Variants in NEK11 observed in about 807,000 individuals in gnomAD.
The protein encoded by NEK11 is serine/threonine-protein kinase Nek11.
Under a neutral mutation model 80.7 loss-of-function variants are expected in NEK11, and 72 were observed. That is an observed-to-expected ratio of 0.89 (90% CI 0.74 to 1.08). The LOEUF is 1.08. Ranked by LOEUF, NEK11 falls within the 50% of genes least tolerant of loss-of-function variation. The probability of loss-of-function intolerance (pLI) is 0.00; values close to 1 mark genes in which losing one functional copy is unlikely to be tolerated. For synonymous variants in NEK11, 251 were observed against 260.7 expected, an observed-to-expected ratio of 0.96 and a Z score of 0.36; for missense variants, 764 against 763.6, an observed-to-expected ratio of 1.00 and a Z score of -0.01.
intron 17 of NEK11, among the ~76,000 whole-genome samples, chr3:131,324,457 A>T (rs188101617): frequency 1.3e-5 from 2 of 152,344 alleles, no homozygotes; most frequent in East Asian, 3.9e-4. Context: ...TGTGATTTTT[A>T]AAAAATTGTC....
chr3:131,142,582 G>A (rs1210944919), intron 7 of NEK11, among the ~76,000 whole-genome samples: 1 of 152,196 alleles, frequency 6.6e-6, no homozygotes, highest in Non-Finnish European at 1.5e-5. Context: ...ATAACAGTTG[G>A]TTATGTAAGG....
intron 17 of NEK11, among the ~76,000 whole-genome samples, chr3:131,281,200 A>G (rs2096390551): frequency 6.6e-6 from 1 of 152,222 alleles, no homozygotes; most frequent in Non-Finnish European, 1.5e-5. Context: ...CCATGGGTCC[A>G]AAGTCAGATC....
At chr3:131,249,704 G>T (rs562934530) in intron 16 of NEK11, among the ~76,000 whole-genome samples, 1 of 152,238 alleles carries the variant, frequency 6.6e-6, no homozygotes, top group East Asian at 1.9e-4. Context: ...CTCTTTAGAA[G>T]ATATCTCTCT....
At chr3:131,131,056 C>T (rs1370046625) in intron 5 of NEK11, among the ~76,000 whole-genome samples, 1 of 152,224 alleles carries the variant, frequency 6.6e-6, no homozygotes, top group Non-Finnish European at 1.5e-5. Flanking sequence ...CCCACCTCGG[C>T]TTCCCAAAGT....
At chr3:131,028,147 G>A (rs2064181666) in intron 2 of NEK11, 145 bp downstream of exon 2, 1 of 152,210 alleles carries the variant, frequency 6.6e-6, no homozygotes. Flanking sequence ...CGTGTCTTTG[G>A]AAGGGAAAAG....
chr3:131,273,440 G>C (rs1409044596), intron 16 of NEK11, 38 bp from the exon 17 acceptor site: 1 of 1,524,526 alleles, frequency 6.6e-7, no homozygotes, highest in Non-Finnish European at 9.1e-7. Context: ...TTGCAGGATT[G>C]CTGATGAAGT....
chr3:131,201,909 G>A (rs111252004), intron 14 of NEK11, among the ~76,000 whole-genome samples: 92 of 152,150 alleles, frequency 6.0e-4, no homozygotes, highest in Non-Finnish European at 1.2e-3. Flanking sequence ...ATCTCTGCTC[G>A]CTGCAATCTC....
intron 7 of NEK11, 172 bp downstream of exon 7, chr3:131,134,128 A>C (rs944667683): frequency 4.8e-5 from 25 of 523,236 alleles, no homozygotes; most frequent in Non-Finnish European, 1.2e-5. Context: ...ATATTTCATT[A>C]AACTAGTTTC....
chr3:131,145,875 T>C (rs1002839385), intron 7 of NEK11, among the ~76,000 whole-genome samples: 3 of 152,130 alleles, frequency 2.0e-5, no homozygotes, highest in African/African-American at 7.2e-5. Context: ...TGTAAGTTAA[T>C]GAGTTAAAAT....
At chr3:131,204,824 C>T (rs1226997793) in intron 14 of NEK11, among the ~76,000 whole-genome samples, 1 of 151,888 alleles carries the variant, frequency 6.6e-6, no homozygotes, top group Non-Finnish European at 1.5e-5. Context: ...ATGCCTTGGG[C>T]TTTTTCATTG....
At chr3:131,292,861 G>A (rs975427595) in intron 17 of NEK11, among the ~76,000 whole-genome samples, 7 of 151,864 alleles carry the variant, frequency 4.6e-5, no homozygotes, top group Non-Finnish European at 1.0e-4. Flanking sequence ...TGATGTAAAC[G>A]GTATTATGCT....
rs189987336 is a variant in NEK11 at position 131,158,153 on chromosome 3, G to T, written c.962+3032G>T. ...CCCAGCCTGGCCATGCCTGCTTGCA[G>T]TGCAGCCACGGGTGTCTTGGGGGTC... On this transcript the variant is annotated intron_variant, in intron 10 of 17. Transcript: ENST00000383366. Among the ~76,000 whole-genome samples, 118 of 152,184 alleles carry T rather than the reference G, an allele frequency of 7.8e-4. 2 individuals carry two copies. Among genetic ancestry groups the T allele is most frequent in the Admixed American group, 7.7e-3 (118 of 15,294 alleles).
intron 9 of NEK11, 65 bp from the exon 10 acceptor site, chr3:131,154,971 A>C: frequency 1.1e-6 from 1 of 943,570 alleles, no homozygotes; most frequent in Non-Finnish European, 1.7e-6. Flanking sequence ...GATTCTTGGT[A>C]ATTTATTCCC....
chr3:131,051,829 T>C (rs1045854576), intron 3 of NEK11, among the ~76,000 whole-genome samples: 1 of 152,156 alleles, frequency 6.6e-6, no homozygotes, highest in Non-Finnish European at 1.5e-5. Context: ...TTAAGACAAA[T>C]TTGAATATGT....
intron 14 of NEK11, among the ~76,000 whole-genome samples, chr3:131,202,102 G>A (rs1185761364): frequency 1.3e-5 from 2 of 152,120 alleles, no homozygotes; most frequent in African/African-American, 4.8e-5. Context: ...CAAAGTGCTG[G>A]GATTAGTGTG....
At chr3:131,060,352 C>T (rs1411139066) in intron 3 of NEK11, among the ~76,000 whole-genome samples, 1 of 152,178 alleles carries the variant, frequency 6.6e-6, no homozygotes. Context: ...TGGTCTTGCC[C>T]TTGTTAACTG....
intron 7 of NEK11, among the ~76,000 whole-genome samples, chr3:131,136,184 T>C (rs1465104345): frequency 6.6e-6 from 1 of 152,178 alleles, no homozygotes; most frequent in Non-Finnish European, 1.5e-5. Flanking sequence ...TTAGGATTCA[T>C]CATCATCCTG....
chr3:131,086,845 A>T (rs182322898), intron 4 of NEK11, among the ~76,000 whole-genome samples: 1 of 152,288 alleles, frequency 6.6e-6, no homozygotes, highest in Admixed American at 6.5e-5. Flanking sequence ...TAATGTGATG[A>T]TATGATTATT....
intron 17 of NEK11, among the ~76,000 whole-genome samples, chr3:131,322,411 A>T (rs1015273775): frequency 3.3e-5 from 5 of 152,180 alleles, no homozygotes; most frequent in African/African-American, 1.2e-4. Context: ...ATACCCATGT[A>T]ACAAACCTGC....
Sources: allele counts gnomAD v4.1 joint callset (sites outside exome capture counted in the v4.1 genomes callset), GRCh38; gene constraint gnomAD v4.1.1; transcripts MANE v1.5; gene names NCBI Gene and HGNC (gene_info 2026-07-23, HGNC 2026-07-21).